TK2: variants seen among roughly 807,000 people sequenced by gnomAD.
The protein encoded by TK2 is thymidine kinase 2, mitochondrial.
TK2 carries 35 observed loss-of-function variants against 41.9 expected under a neutral mutation model. The observed-to-expected ratio is 0.84, with a 90% CI of 0.64 to 1.11. TK2 has a LOEUF of 1.11. TK2 is among the 50% of genes least tolerant of loss of function. TK2 has a pLI of 0.00. For missense variants in TK2, 320 were observed against 351.1 expected, an observed-to-expected ratio of 0.91 and a Z score of 0.71; for synonymous variants, 128 against 129.1, an observed-to-expected ratio of 0.99 and a Z score of 0.06.
rs528415823 is a variant in TK2, at chr16:66,509,186, G to A, written c.*2782C>T. 6.6e-6 allele frequency: 1 copy of A among 152,408 alleles called. No individual in the cohort carries two copies. The highest frequency in any genetic ancestry group is 2.1e-4 in the South Asian group (1 of 4,830). 9.4% of individuals were successfully genotyped at this position (152,408 alleles called of 1,614,324 possible). A position where few individuals can be genotyped will look rare whatever the true frequency, so the allele number is the denominator to read the frequency against. ...ACATTACCAGCATCTGGATTAAAGAGTGGATGGGGAGCAGTGGGCTCTGAT... is the reference window on the plus strand; with the variant it reads ...ACATTACCAGCATCTGGATTAAAGAATGGATGGGGAGCAGTGGGCTCTGAT... On this transcript the variant is annotated 3_prime_UTR_variant, in exon 10 of 10. Coordinates refer to ENST00000544898, the MANE Select transcript of TK2 (RefSeq NM_004614.5).
At position 66,550,111 on chromosome 16, in the gene TK2, G is replaced by A. The variant is rs1432651556; in HGVS notation, c.-50C>T. 12 of 1,610,000 alleles carry A rather than the reference G, an allele frequency of 7.5e-6. No homozygotes were observed. The African/African-American group carries it at 8.0e-5, about 11-fold the overall frequency. On this transcript the variant is annotated 5_prime_UTR_variant, in exon 1 of 10. Transcript: ENST00000544898. ...CCGGGGTTCCTTCTTGTGCGAGTCG[G>A]CGCGGACGACTGCTAGTCCAGCCGT...
rs183596247 is a variant in TK2, at chr16:66,511,483, G to C, written c.*485C>G. 199 of 242,860 alleles carry C rather than the reference G, an allele frequency of 8.2e-4. No homozygotes were observed. Among genetic ancestry groups the C allele is most frequent in the Non-Finnish European group, 1.2e-3 (146 of 121,826 alleles). The allele number at this position is 242,860 out of a possible 1,614,324, so 15.0% of individuals were successfully genotyped here. Reference sequence around the variant, plus strand: ...CAGCCCAGGGCAAGGGAAAGTTGCTGAGTCGGCTGAAAGTCTGAATGGTGC... The same window carrying C: ...CAGCCCAGGGCAAGGGAAAGTTGCTCAGTCGGCTGAAAGTCTGAATGGTGC... On this transcript the variant is annotated 3_prime_UTR_variant, in exon 10 of 10. Transcript: ENST00000544898.
Position 66,514,902 on chromosome 16 carries a change from C to T in TK2, c.619-1091G>A, listed in dbSNP as rs1189227483. Among the ~76,000 whole-genome samples the T allele has an allele frequency of 6.6e-6, 1 of 152,098 alleles. No homozygotes were observed. The highest frequency in any genetic ancestry group is 1.5e-5 in the Non-Finnish European group (1 of 68,032). ...TGCTCTCTGAAACGTGTGCTGTGTC[C>T]ACTAAGGGTTAAATGGATTAAGGGC... On this transcript the variant is annotated intron_variant, in intron 8 of 9. Transcript: ENST00000544898. This position sits in a 1 kb window ranked among gnomAD's most constrained non-coding sequence, Gnocchi z 4.2.
At chr16:66,523,851 A>G (rs1305359362) in intron 6 of TK2, among the ~76,000 whole-genome samples, 3 of 152,048 alleles carry the variant, frequency 2.0e-5, no homozygotes, top group Non-Finnish European at 4.4e-5. Context: ...AAAAAACAAA[A>G]AACAAAAAAA....
At chr16:66,538,367 C>G (rs897555616) in intron 3 of TK2, among the ~76,000 whole-genome samples, 1 of 152,046 alleles carries the variant, frequency 6.6e-6, no homozygotes, top group Non-Finnish European at 1.5e-5. Flanking sequence ...TTCCCCTGCC[C>G]CTCTCAAACC....
chr16:66,541,383 G>A (rs1965450074), intron 3 of TK2, among the ~76,000 whole-genome samples: 1 of 152,042 alleles, frequency 6.6e-6, no homozygotes, highest in South Asian at 2.1e-4. Flanking sequence ...GATCACATTT[G>A]GCATATGTTA....
intron 1 of TK2, chr16:66,549,554 AC>A (rs1469468617): frequency 2.8e-6 from 3 of 1,056,946 alleles, no homozygotes; most frequent in Non-Finnish European, 3.4e-6. Flanking sequence ...CGGGGGCGTA[AC>A]CCCCCTCCCC....
intron 2 of TK2, among the ~76,000 whole-genome samples, chr16:66,544,915 C>T (rs530121741): frequency 7.2e-5 from 11 of 151,880 alleles, no homozygotes; most frequent in African/African-American, 2.4e-4. Flanking sequence ...GGTGAAACCC[C>T]GTCTCTACTA....
At chr16:66,519,780 G>T (rs1964725447) in intron 6 of TK2, among the ~76,000 whole-genome samples, 1 of 152,208 alleles carries the variant, frequency 6.6e-6, no homozygotes, top group Non-Finnish European at 1.5e-5. Flanking sequence ...GGCAAGACTG[G>T]CCATGGGGGA....
chr16:66,536,610 TG>T (rs1018822462), intron 4 of TK2, among the ~76,000 whole-genome samples: 2 of 152,002 alleles, frequency 1.3e-5, no homozygotes, highest in Non-Finnish European at 2.9e-5. Context: ...AGATAGGTCC[TG>T]GGGGGGTTAG....
chr16:66,516,033 T>C (rs1357268462), intron 8 of TK2, among the ~76,000 whole-genome samples: 2 of 152,122 alleles, frequency 1.3e-5, no homozygotes, highest in Non-Finnish European at 2.9e-5. Flanking sequence ...GAGCAACTAC[T>C]AGGCACCAGG....
chr16:66,523,699 G>A (rs1021975792), intron 6 of TK2, among the ~76,000 whole-genome samples: 1 of 151,868 alleles, frequency 6.6e-6, no homozygotes, highest in African/African-American at 2.4e-5. Flanking sequence ...CGTGGTGGTG[G>A]GCGCCTGTAA....
At chr16:66,533,584 T>G (rs1356670710) in intron 4 of TK2, among the ~76,000 whole-genome samples, 2 of 152,028 alleles carry the variant, frequency 1.3e-5, no homozygotes, top group Non-Finnish European at 2.9e-5. Flanking sequence ...GTTTAAAATT[T>G]TTAAAGAAGT....
At chr16:66,547,236 G>A (rs1965636805) in intron 2 of TK2, among the ~76,000 whole-genome samples, 1 of 152,060 alleles carries the variant, frequency 6.6e-6, no homozygotes, top group Admixed American at 6.6e-5. Flanking sequence ...CCTGGGCCCT[G>A]CTTTCCCACT....
intron 4 of TK2, among the ~76,000 whole-genome samples, chr16:66,535,018 G>T (rs1325890426): frequency 1.3e-5 from 2 of 152,022 alleles, no homozygotes; most frequent in African/African-American, 4.8e-5. Flanking sequence ...TTCTCTTGGT[G>T]CAAACTAATG....
At chr16:66,549,412 C>G (rs1332513625) in intron 1 of TK2, 2 of 1,087,788 alleles carry the variant, frequency 1.8e-6, no homozygotes, top group Non-Finnish European at 2.2e-6. Flanking sequence ...CCAGGGCGGG[C>G]ATCGCTGCCC....
chr16:66,537,202 G>A (rs1338734312), intron 3 of TK2, among the ~76,000 whole-genome samples, 185 bp from the exon 4 acceptor site: 4 of 152,206 alleles, frequency 2.6e-5, no homozygotes, highest in South Asian at 2.1e-4. Context: ...ATCTAGACAC[G>A]GCTTCCTCAC....
intron 2 of TK2, 169 bp downstream of exon 2, chr16:66,548,809 T>C: frequency 1.5e-6 from 1 of 661,988 alleles, no homozygotes; most frequent in South Asian, 1.8e-5. Flanking sequence ...AAGAAATTGG[T>C]AACAGAGGTG....
chr16:66,538,713 G>T (rs1007178987), intron 3 of TK2, among the ~76,000 whole-genome samples: 1 of 152,172 alleles, frequency 6.6e-6, no homozygotes, highest in Non-Finnish European at 1.5e-5. Context: ...GGTACAGAGC[G>T]GCCAGGGGAT....
Sources: gnomAD v4.1 joint callset for allele counts (sites outside exome capture counted in the v4.1 genomes callset) on GRCh38, gnomAD v4.1.1 for gene constraint, Gnocchi (gnomAD v3.1) non-coding constraint, MANE v1.5 for transcripts, NCBI Gene and HGNC (gene_info 2026-07-23, HGNC 2026-07-21) for gene names.